GRIA4: variants seen among roughly 807,000 people sequenced by gnomAD.
GRIA4 encodes the protein glutamate receptor 4.
A neutral mutation model predicts 104.0 loss-of-function variants in GRIA4; 34 were observed. The observed-to-expected ratio is 0.33, with a 90% confidence interval of 0.25 to 0.44. The LOEUF (loss-of-function observed/expected upper bound fraction) is 0.44. Ranked by LOEUF, GRIA4 falls within the 20% of genes least tolerant of loss-of-function variation. GRIA4 has a pLI of 1.00. For synonymous variants in GRIA4, 386 were observed against 381.9 expected, an observed-to-expected ratio of 1.01 and a Z score of -0.13; for missense variants, 750 against 1,096.5, an observed-to-expected ratio of 0.68 and a Z score of 4.46.
At chr11:105,894,982 G>A (rs1946597007) in intron 6 of GRIA4, among the ~76,000 whole-genome samples, 2 of 134,236 alleles carry the variant, frequency 1.5e-5, no homozygotes. Flanking sequence ...TGTATTTTTA[G>A]TAGAGACGGG....
intron 3 of GRIA4, among the ~76,000 whole-genome samples, chr11:105,616,283 T>C (rs1950597952): frequency 6.6e-6 from 1 of 151,734 alleles, no homozygotes; most frequent in Admixed American, 6.6e-5. Context: ...AAATCACAAA[T>C]AGAATCAATA....
chr11:105,961,421 T>C (rs1190178411), intron 14 of GRIA4, among the ~76,000 whole-genome samples: 1 of 152,220 alleles, frequency 6.6e-6, no homozygotes, highest in Non-Finnish European at 1.5e-5. Flanking sequence ...TATATTAAGA[T>C]TTATTAAGGA....
At chr11:105,675,833 ATATT>A (rs1952518280) in intron 3 of GRIA4, among the ~76,000 whole-genome samples, 1 of 151,842 alleles carries the variant, frequency 6.6e-6, no homozygotes, top group South Asian at 2.1e-4. Flanking sequence ...ACATATTTTG[ATATT>A]TATACTACTT....
chr11:105,643,690 G>GT (rs1249865645), intron 3 of GRIA4, among the ~76,000 whole-genome samples: 4 of 151,872 alleles, frequency 2.6e-5, no homozygotes, highest in African/African-American at 7.2e-5. Context: ...CCTGCCTCAG[G>GT]TTTTTAAATT....
At chr11:105,857,186 T>C (rs1301891433) in intron 4 of GRIA4, among the ~76,000 whole-genome samples, 1 of 152,118 alleles carries the variant, frequency 6.6e-6, no homozygotes. Context: ...AAATGGTTAT[T>C]AAATCTACTC....
intron 4 of GRIA4, among the ~76,000 whole-genome samples, chr11:105,763,300 C>T (rs544136849): frequency 3.3e-5 from 5 of 152,094 alleles, no homozygotes; most frequent in African/African-American, 9.6e-5. Context: ...ACCTTTGGCA[C>T]GTGGGATGGT....
At chr11:105,948,602 T>G (rs1289262755) in intron 14 of GRIA4, among the ~76,000 whole-genome samples, 8 of 140,448 alleles carry the variant, frequency 5.7e-5, no homozygotes, top group South Asian at 2.3e-4. Context: ...TTTGTTTTTT[T>G]TTTTTTTTTT....
chr11:105,640,041 T>C (rs1466656432), intron 3 of GRIA4, among the ~76,000 whole-genome samples: 2 of 151,914 alleles, frequency 1.3e-5, no homozygotes, highest in African/African-American at 4.8e-5. Flanking sequence ...GAAAAATAGG[T>C]AGATAATATT....
At chr11:105,649,914 G>T (rs1951638068) in intron 3 of GRIA4, among the ~76,000 whole-genome samples, 1 of 151,982 alleles carries the variant, frequency 6.6e-6, no homozygotes, top group South Asian at 2.1e-4. Flanking sequence ...ATCTCCCATA[G>T]AATTGACTCA....
intron 8 of GRIA4, 151 bp from the exon 9 acceptor site, chr11:105,905,046 T>G (rs1946993638): frequency 1.8e-6 from 1 of 564,938 alleles, no homozygotes; most frequent in South Asian, 2.4e-5. Flanking sequence ...TCAGATGCTA[T>G]CCCAATAGCT....
At chr11:105,660,321 G>C (rs1333840710) in intron 3 of GRIA4, among the ~76,000 whole-genome samples, 1 of 151,638 alleles carries the variant, frequency 6.6e-6, no homozygotes, top group East Asian at 1.9e-4. Context: ...CAAAGAATGA[G>C]ATTAAGAATA....
intron 5 of GRIA4, among the ~76,000 whole-genome samples, chr11:105,870,803 T>C (rs144250550): frequency 0.014 from 2,136 of 152,192 alleles, 32 homozygotes; most frequent in Non-Finnish European, 0.018. Context: ...CATTGCATCA[T>C]AGATGTCATC....
At chr11:105,907,494 G>A (rs1947083218) in intron 9 of GRIA4, among the ~76,000 whole-genome samples, 1 of 152,152 alleles carries the variant, frequency 6.6e-6, no homozygotes, top group Non-Finnish European at 1.5e-5. Flanking sequence ...TTTGAAAACA[G>A]ATCAGAGAGT....
intron 3 of GRIA4, among the ~76,000 whole-genome samples, chr11:105,733,063 T>C (rs1247236221): frequency 2.0e-5 from 3 of 152,220 alleles, no homozygotes; most frequent in Admixed American, 6.5e-5. Context: ...TCTAAATCAA[T>C]GTATAGAAAT....
intron 3 of GRIA4, among the ~76,000 whole-genome samples, chr11:105,748,581 C>A (rs1565514459): frequency 6.6e-6 from 1 of 152,052 alleles, no homozygotes; most frequent in Non-Finnish European, 1.5e-5. Context: ...GACGGGTTTT[C>A]ACCATGTTGG....
Position 105,938,546 on chromosome 11 carries a change from T to C in GRIA4, c.2294+4577T>C, listed in dbSNP as rs540738737. Among the ~76,000 whole-genome samples the C allele has an allele frequency of 3.7e-4, 57 of 152,270 alleles. No individual in the cohort carries two copies. The South Asian group carries it at 0.011, about 30-fold the overall frequency. On this transcript the variant is annotated intron_variant, in intron 14 of 16. Coordinates refer to ENST00000282499, the MANE Select transcript of GRIA4 (RefSeq NM_000829.4). Reference sequence around the variant, plus strand: ...TTTAACTATTATGAAAAGAGATATATCTTTGCTTATGAATACCCTTCATTT... The same window carrying C: ...TTTAACTATTATGAAAAGAGATATACCTTTGCTTATGAATACCCTTCATTT...
At chr11:105,749,065 T>C (rs1284227577) in intron 3 of GRIA4, among the ~76,000 whole-genome samples, 4 of 152,130 alleles carry the variant, frequency 2.6e-5, no homozygotes, top group Admixed American at 1.3e-4. Context: ...GAGTAAGAAG[T>C]GTTCAAGGAC....
chr11:105,725,933 A>G (rs1302251307), intron 3 of GRIA4, among the ~76,000 whole-genome samples: 1 of 152,014 alleles, frequency 6.6e-6, no homozygotes, highest in Non-Finnish European at 1.5e-5. Flanking sequence ...CCTACACTAC[A>G]TGGTCCCTGG....
intron 3 of GRIA4, among the ~76,000 whole-genome samples, chr11:105,740,534 T>A (rs1939240591): frequency 6.6e-6 from 1 of 152,240 alleles, no homozygotes; most frequent in African/African-American, 2.4e-5. Flanking sequence ...TCCAGTTACT[T>A]CTTCTTGTGG....
Sources: gnomAD v4.1 joint callset for allele counts (sites outside exome capture counted in the v4.1 genomes callset) on GRCh38, gnomAD v4.1.1 for gene constraint, MANE v1.5 for transcripts, NCBI Gene and HGNC (gene_info 2026-07-23, HGNC 2026-07-21) for gene names.